VWCE: variants seen among roughly 807,000 people sequenced by gnomAD.
VWCE encodes the protein von Willebrand factor C and EGF domains.
In VWCE, 68 loss-of-function variants were observed where a neutral mutation model predicts 102.9. That is an observed-to-expected ratio of 0.66 (90% CI 0.54 to 0.81). VWCE has a LOEUF of 0.81. VWCE is among the 30% of genes least tolerant of loss of function. VWCE has a pLI of 0.00. For missense variants in VWCE, 1,137 were observed against 1,263.6 expected (o/e 0.90, Z 1.52); for synonymous variants, 497 against 515.4 (o/e 0.96, Z 0.48).
intron 16 of VWCE, among the ~76,000 whole-genome samples, chr11:61,266,269 G>A (rs1190897647): frequency 1.3e-5 from 2 of 152,144 alleles, no homozygotes; most frequent in Admixed American, 1.3e-4. Context: ...GCTGGGTGCA[G>A]TGGCTCATGC....
intron 14 of VWCE, among the ~76,000 whole-genome samples, chr11:61,270,825 C>CTTTT (rs1243630767): frequency 1.4e-4 from 19 of 134,250 alleles, no homozygotes; most frequent in Non-Finnish European, 1.4e-4. Context: ...GTTACACACA[C>CTTTT]TTTTTTTTTT....
chr11:61,280,252 C>G (rs1444076148), intron 9 of VWCE, among the ~76,000 whole-genome samples: 1 of 152,080 alleles, frequency 6.6e-6, no homozygotes, highest in East Asian at 1.9e-4. Context: ...GGGGACTGCA[C>G]AGTGGATTTA....
chr11:61,259,448 C>T, intron 19 of VWCE, 136 bp from the exon 20 acceptor site: 1 of 1,129,426 alleles, frequency 8.9e-7, no homozygotes, highest in Non-Finnish European at 1.2e-6. Flanking sequence ...GACCAGCCAG[C>T]TCCTGCCTCC....
chr11:61,275,608 G>T (rs1854879180), intron 11 of VWCE, among the ~76,000 whole-genome samples: 1 of 152,130 alleles, frequency 6.6e-6, no homozygotes, highest in Admixed American at 6.5e-5. Flanking sequence ...GTGTCTTTAG[G>T]CAGTGACTTG....
chr11:61,264,995 G>C lies in VWCE; in HGVS notation c.2100C>G (p.Phe700Leu). 1 of 1,614,100 alleles carries C rather than the reference G, an allele frequency of 6.2e-7. No homozygotes were observed. The highest frequency in any genetic ancestry group is 1.1e-5 in the South Asian group (1 of 91,068). The change falls in exon 18 of 20, where the codon TTC (phenylalanine) becomes TTG (leucine). Residue 700 changes from phenylalanine to leucine, a missense_variant. Coordinates refer to ENST00000335613, the MANE Select transcript of VWCE (RefSeq NM_152718.2). Reference protein sequence around the residue: ...EGRKVANGQVFTLDDEPCTRC... With the variant: ...EGRKVANGQVLTLDDEPCTRC... ...GGGTGCAGGGTTCATCATCCAAGGT[G>C]AACACCTGGCCATTCGCCACCTTCC...
chr11:61,279,148 C>T (rs1395166845), intron 9 of VWCE, among the ~76,000 whole-genome samples: 3 of 152,166 alleles, frequency 2.0e-5, no homozygotes, highest in African/African-American at 7.2e-5. Context: ...ATTGTCTTCA[C>T]TGCAAAATGA....
At chr11:61,270,963 C>T (rs1854675728) in intron 14 of VWCE, among the ~76,000 whole-genome samples, 1 of 151,884 alleles carries the variant, frequency 6.6e-6, no homozygotes, top group African/African-American at 2.4e-5. Flanking sequence ...CCCACCTTAG[C>T]CTCCCAAGTA....
At chr11:61,286,778 G>A (rs1312559167) in intron 4 of VWCE, among the ~76,000 whole-genome samples, 2 of 149,738 alleles carry the variant, frequency 1.3e-5, no homozygotes, top group Non-Finnish European at 1.5e-5. Context: ...TCCAGCCTGG[G>A]CGACAAGAGC....
intron 5 of VWCE, among the ~76,000 whole-genome samples, chr11:61,284,446 T>C (rs1855246686): frequency 6.6e-6 from 1 of 152,076 alleles, no homozygotes; most frequent in Admixed American, 6.5e-5. Flanking sequence ...GTACACATCA[T>C]GGGGAGGGGC....
At chr11:61,280,165 CG>C (rs1239988955) in intron 9 of VWCE, among the ~76,000 whole-genome samples, 1 of 151,978 alleles carries the variant, frequency 6.6e-6, no homozygotes, top group African/African-American at 2.4e-5. Flanking sequence ...CAGCAGATGG[CG>C]GGGGCGAGTC....
At chr11:61,288,684 C>T (rs1855406777) in intron 4 of VWCE, among the ~76,000 whole-genome samples, 1 of 152,192 alleles carries the variant, frequency 6.6e-6, no homozygotes, top group African/African-American at 2.4e-5. Flanking sequence ...GAAAGGCATT[C>T]AGGAGCAGAT....
At position 61,265,218 on chromosome 11, in the gene VWCE, G is replaced by C. The variant is rs1339390098; in HGVS notation, c.1966-6C>G. 2.7e-6 allele frequency: 4 copies of C among 1,472,132 alleles called. No individual in the cohort carries two copies. The Admixed American group carries it at 7.9e-5, about 29-fold the overall frequency. The allele number at this position is 1,472,132 out of a possible 1,614,324, so 91.2% of individuals were successfully genotyped here. A position where few individuals can be genotyped will look rare whatever the true frequency, so the allele number is the denominator to read the frequency against. On this transcript the variant is annotated splice_region_variant and splice_polypyrimidine_tract_variant and intron_variant, in intron 16 of 19. Transcript: ENST00000335613. ...GAACAGGCCACTGAGCCCAGCTGCA[G>C]GACACAGAAAACACACAAGGCCCTC...
chr11:61,292,664 C>T (rs776186685), intron 1 of VWCE, among the ~76,000 whole-genome samples: 1 of 152,164 alleles, frequency 6.6e-6, no homozygotes, highest in South Asian at 2.1e-4. Context: ...CCAACTGGTG[C>T]TGGGTGCTGA....
intron 12 of VWCE, 24 bp downstream of exon 12, chr11:61,274,475 C>T: frequency 6.2e-7 from 1 of 1,610,600 alleles, no homozygotes; most frequent in Non-Finnish European, 8.5e-7. Context: ...ATTCCACAGG[C>T]TTTGGGACGC....
Position 61,291,561 on chromosome 11 carries a change from G to C in VWCE, c.126C>G (p.Pro42=). The C allele has an allele frequency of 6.9e-7, 1 of 1,451,382 alleles. No individual in the cohort carries two copies. The highest frequency in any genetic ancestry group is 2.5e-5 in the East Asian group (1 of 39,700). 89.9% of individuals were successfully genotyped at this position (1,451,382 alleles called of 1,614,324 possible). A position where few individuals can be genotyped will look rare whatever the true frequency, so the allele number is the denominator to read the frequency against. The change falls in exon 2 of 20, where the codon CCC becomes CCG. Residue 42 remains proline, a synonymous_variant. Transcript: ENST00000335613. ...HFAAERRRLG[P]HVCLSGFGSG... ...TCCCAAACCCAGAGAGGCAGACGTG[G>C]GGGCCCAGTCGGCGTCTGCAAGAGA... is the stretch of plus-strand genomic sequence containing the variant.
At chr11:61,269,078 C>T in intron 14 of VWCE, 60 bp from the exon 15 acceptor site, 1 of 1,528,950 alleles carries the variant, frequency 6.5e-7, no homozygotes, top group Non-Finnish European at 9.0e-7. Context: ...TGCCTCCCCG[C>T]CCTGCAAAAG....
intron 7 of VWCE, 100 bp from the exon 8 acceptor site, chr11:61,281,335 C>T: frequency 1.4e-6 from 2 of 1,417,332 alleles, no homozygotes; most frequent in Non-Finnish European, 1.9e-6. Context: ...AGTCCCTGTT[C>T]ACCCCCCGTG....
Position 61,258,653 on chromosome 11 carries a change from T to C in VWCE, c.*22A>G. The C allele has an allele frequency of 2.2e-6, 3 of 1,343,124 alleles. No individual in the cohort carries two copies. The highest frequency in any genetic ancestry group is 2.9e-6 in the Non-Finnish European group (3 of 1,041,116). The allele number at this position is 1,343,124 out of a possible 1,614,324, so 83.2% of individuals were successfully genotyped here. A position where few individuals can be genotyped will look rare whatever the true frequency, so the allele number is the denominator to read the frequency against. On this transcript the variant is annotated 3_prime_UTR_variant, in exon 20 of 20. Coordinates refer to ENST00000335613, the MANE Select transcript of VWCE (RefSeq NM_152718.2). Reference sequence around the variant, plus strand: ...ACTGGCAGAGGTCCTCTCTCCAGAGTCTCCCGGACACAGTGACCTCCTTAC... The same window carrying C: ...ACTGGCAGAGGTCCTCTCTCCAGAGCCTCCCGGACACAGTGACCTCCTTAC...
intron 19 of VWCE, among the ~76,000 whole-genome samples, chr11:61,262,634 A>G (rs1482355601): frequency 3.3e-5 from 5 of 152,222 alleles, no homozygotes; most frequent in Non-Finnish European, 7.3e-5. Flanking sequence ...TGAAGGCTCA[A>G]TGGATATTCC....
Sources: gnomAD v4.1 joint callset for allele counts (sites outside exome capture counted in the v4.1 genomes callset) on GRCh38, gnomAD v4.1.1 for gene constraint, MANE v1.5 for transcripts, NCBI Gene and HGNC (gene_info 2026-07-23, HGNC 2026-07-21) for gene names.